LDLRAD3: variants seen among roughly 807,000 people sequenced by gnomAD.
LDLRAD3 encodes low-density lipoprotein receptor class A domain-containing protein 3.
A neutral mutation model predicts 29.4 loss-of-function variants in LDLRAD3; 20 were observed. The ratio of observed to expected loss-of-function variants is 0.68; its 90% CI spans 0.48 to 0.99. The LOEUF is 0.99. Among genes scored for constraint, LDLRAD3 ranks in the 50% least tolerant of loss-of-function variants. The pLI is 0.00. For missense variants in LDLRAD3, 420 were observed against 454.3 expected (o/e 0.92, Z 0.69); for synonymous variants, 157 against 192.7 (o/e 0.81, Z 1.53).
At chr11:36,073,603 C>G (rs1236666242) in intron 2 of LDLRAD3, among the ~76,000 whole-genome samples, 4 of 152,242 alleles carry the variant, frequency 2.6e-5, no homozygotes, top group Non-Finnish European at 4.4e-5. Flanking sequence ...TCTGCCCCTG[C>G]CAGGCACTCG....
At chr11:36,179,446 C>T (rs1282229151) in intron 4 of LDLRAD3, among the ~76,000 whole-genome samples, 1 of 152,022 alleles carries the variant, frequency 6.6e-6, no homozygotes, top group African/African-American at 2.4e-5. Flanking sequence ...TGCACTCCAG[C>T]CTGGGTAACA....
intron 1 of LDLRAD3, among the ~76,000 whole-genome samples, chr11:35,991,879 G>A (rs1851696257): frequency 6.6e-6 from 1 of 151,706 alleles, no homozygotes; most frequent in South Asian, 2.1e-4. Flanking sequence ...GTGTGTGTGT[G>A]TGTGTGTGTG....
At chr11:35,958,574 C>G (rs1219710186) in intron 1 of LDLRAD3, among the ~76,000 whole-genome samples, 16 of 152,130 alleles carry the variant, frequency 1.1e-4, no homozygotes, top group Admixed American at 6.5e-4. Context: ...CCTCCTTTTC[C>G]TGTAGGCTCT....
At chr11:36,096,002 G>T in intron 3 of LDLRAD3, among the ~76,000 whole-genome samples, 1 of 152,168 alleles carries the variant, frequency 6.6e-6, no homozygotes, top group South Asian at 2.1e-4. Context: ...GCTGAAGTCA[G>T]ACCTCGGTTT....
chr11:36,201,292 T>G (rs1168311836), intron 4 of LDLRAD3, among the ~76,000 whole-genome samples: 1 of 152,162 alleles, frequency 6.6e-6, no homozygotes, highest in Non-Finnish European at 1.5e-5. Context: ...AATAGAGATG[T>G]GAGTTCTGAG....
chr11:36,086,923 G>A (rs1253899735), intron 3 of LDLRAD3, among the ~76,000 whole-genome samples: 1 of 152,132 alleles, frequency 6.6e-6, no homozygotes, highest in African/African-American at 2.4e-5. Flanking sequence ...AAAGACAGTC[G>A]TCTGATGCAG....
intron 4 of LDLRAD3, among the ~76,000 whole-genome samples, chr11:36,201,105 A>C (rs148083424): frequency 6.6e-6 from 1 of 152,264 alleles, no homozygotes; most frequent in Non-Finnish European, 1.5e-5. Flanking sequence ...GGACCAGTAG[A>C]GTTATTTGAA....
intron 4 of LDLRAD3, among the ~76,000 whole-genome samples, chr11:36,177,700 G>C (rs984568880): frequency 1.1e-4 from 16 of 152,184 alleles, no homozygotes; most frequent in African/African-American, 3.9e-4. Flanking sequence ...CTCAGCCGTG[G>C]ATACCAGCAC....
chr11:36,122,232 G>A (rs1468393657), intron 4 of LDLRAD3, among the ~76,000 whole-genome samples: 2 of 152,066 alleles, frequency 1.3e-5, no homozygotes, highest in Non-Finnish European at 2.9e-5. Flanking sequence ...GAAGGGCTGT[G>A]CTGTGTGCCC....
intron 4 of LDLRAD3, among the ~76,000 whole-genome samples, chr11:36,177,636 G>A (rs1470630075): frequency 1.3e-5 from 2 of 152,232 alleles, no homozygotes; most frequent in African/African-American, 2.4e-5. Flanking sequence ...GCTGGTGCTA[G>A]GGAGTGCCTG....
At chr11:36,118,033 AG>A (rs1318731298) in intron 4 of LDLRAD3, among the ~76,000 whole-genome samples, 2 of 152,078 alleles carry the variant, frequency 1.3e-5, no homozygotes, top group African/African-American at 4.8e-5. Context: ...GGGCTGAGAG[AG>A]GGCATTTGGA....
intron 1 of LDLRAD3, among the ~76,000 whole-genome samples, chr11:36,017,535 C>CTTTTTTTTTT (rs60585852): frequency 7.7e-6 from 1 of 129,734 alleles, no homozygotes; most frequent in Non-Finnish European, 1.7e-5. Flanking sequence ...ATTTTATCAT[C>CTTTTTTTTTT]TTTTTTTTTT....
At chr11:36,140,620 C>T (rs1027713221) in intron 4 of LDLRAD3, among the ~76,000 whole-genome samples, 2 of 152,160 alleles carry the variant, frequency 1.3e-5, no homozygotes, top group African/African-American at 2.4e-5. Context: ...GGGGTCTCTC[C>T]ACGTTGCCCA....
chr11:36,113,672 CTTTTTTTT>C (rs745375991), intron 4 of LDLRAD3, among the ~76,000 whole-genome samples: 2 of 126,398 alleles, frequency 1.6e-5, no homozygotes, highest in African/African-American at 6.3e-5. Context: ...CATAGCATCA[CTTTTTTTT>C]TTTTTTTTTT....
At chr11:36,216,637 G>A (rs1387323918) in intron 4 of LDLRAD3, among the ~76,000 whole-genome samples, 1 of 152,226 alleles carries the variant, frequency 6.6e-6, no homozygotes, top group Non-Finnish European at 1.5e-5. Context: ...TGACACGGCT[G>A]AGGTTTGAAT....
intron 3 of LDLRAD3, among the ~76,000 whole-genome samples, chr11:36,090,089 C>T (rs929577963): frequency 4.6e-5 from 7 of 152,142 alleles, no homozygotes; most frequent in Admixed American, 4.6e-4. Context: ...CATCATATAG[C>T]TAGTGAAGTG....
intron 1 of LDLRAD3, among the ~76,000 whole-genome samples, chr11:36,000,574 C>G (rs1851811019): frequency 6.6e-6 from 1 of 152,152 alleles, no homozygotes; most frequent in South Asian, 2.1e-4. Flanking sequence ...ATTATGTTAA[C>G]TATATTTCTT....
Position 36,204,965 on chromosome 11 carries a change from C to G in LDLRAD3, c.455-22120C>G, listed in dbSNP as rs548680519. Among the ~76,000 whole-genome samples the G allele has an allele frequency of 4.5e-4, 68 of 152,282 alleles. 2 individuals are homozygous for G. The South Asian group carries it at 0.013, about 30-fold the overall frequency. On this transcript the variant is annotated intron_variant, in intron 4 of 5. Transcript: ENST00000315571. ...AGCACCTATGACAACAGGCTGGAGC[C>G]GCCTATTCTTGCCCCCGCCCTAATG...
At chr11:36,121,147 A>C (rs1302362441) in intron 4 of LDLRAD3, among the ~76,000 whole-genome samples, 2 of 151,760 alleles carry the variant, frequency 1.3e-5, no homozygotes, top group African/African-American at 4.8e-5. Context: ...TGAATATGCA[A>C]TTGGATGAAA....
Sources: gnomAD v4.1 joint callset for allele counts (sites outside exome capture counted in the v4.1 genomes callset) on GRCh38, gnomAD v4.1.1 for gene constraint, MANE v1.5 for transcripts, NCBI Gene and HGNC (gene_info 2026-07-23, HGNC 2026-07-21) for gene names.